The following NPTXR variants were observed in gnomAD, a reference collection of about 807,000 sequenced individuals.
The protein encoded by NPTXR is neuronal pentraxin receptor.
Under a neutral mutation model 32.2 loss-of-function variants are expected in NPTXR, and 12 were observed. The ratio of observed to expected loss-of-function variants is 0.37; its 90% confidence interval spans 0.24 to 0.60. The LOEUF is 0.60. NPTXR is among the 20% of genes least tolerant of loss of function. The pLI, the probability that NPTXR is intolerant of heterozygous loss-of-function variation, is 0.66. For missense variants in NPTXR, 612 were observed against 682.9 expected (o/e 0.90, Z 1.16); for synonymous variants, 323 against 315.8 (o/e 1.02, Z -0.24).
intron 3 of NPTXR, among the ~76,000 whole-genome samples, chr22:38,824,674 G>A (rs2093103566): frequency 6.6e-6 from 1 of 152,194 alleles, no homozygotes; most frequent in South Asian, 2.1e-4. Flanking sequence ...CCCAGAACAG[G>A]GCTGCCCAAT....
chr22:38,841,470 A>G (rs971888878), intron 1 of NPTXR, among the ~76,000 whole-genome samples: 2 of 152,270 alleles, frequency 1.3e-5, no homozygotes, highest in African/African-American at 4.8e-5. Flanking sequence ...CAAGCCTGCC[A>G]GCCCCAGACG....
intron 3 of NPTXR, 105 bp from the exon 4 acceptor site, chr22:38,823,367 G>T: frequency 9.9e-7 from 1 of 1,014,078 alleles, no homozygotes; most frequent in Non-Finnish European, 1.4e-6. Context: ...ATCCTTCCAG[G>T]GCCCGACCCC....
chr22:38,835,233 T>C (rs1053961020), intron 1 of NPTXR, among the ~76,000 whole-genome samples: 2 of 151,986 alleles, frequency 1.3e-5, no homozygotes, highest in African/African-American at 4.8e-5. Context: ...CAGCTGGCGG[T>C]GAGGCAGAGG....
intron 3 of NPTXR, among the ~76,000 whole-genome samples, chr22:38,825,948 T>C (rs1462884348): frequency 6.6e-6 from 1 of 151,794 alleles, no homozygotes; most frequent in Non-Finnish European, 1.5e-5. Flanking sequence ...GTTCTGGCCA[T>C]TCTCCTGCCT....
chr22:38,842,571 C>CG (rs1008176227), intron 1 of NPTXR, among the ~76,000 whole-genome samples: 1 of 152,112 alleles, frequency 6.6e-6, no homozygotes, highest in Non-Finnish European at 1.5e-5. Flanking sequence ...AGGAGGAGCT[C>CG]GGGGGGCCCT....
chr22:38,842,014 C>A, intron 1 of NPTXR, among the ~76,000 whole-genome samples: 1 of 152,212 alleles, frequency 6.6e-6, no homozygotes, highest in East Asian at 1.9e-4. Context: ...GGCTGACTGG[C>A]TGCACTCTGA....
At chr22:38,828,547 G>C in intron 1 of NPTXR, 35 bp from the exon 2 acceptor site, 11 of 1,510,382 alleles carry the variant, frequency 7.3e-6, no homozygotes, top group Non-Finnish European at 9.9e-6. Flanking sequence ...AATCAACTGA[G>C]GGGAGGAAGG....
At chr22:38,840,092 G>C (rs1479472444) in intron 1 of NPTXR, among the ~76,000 whole-genome samples, 1 of 152,190 alleles carries the variant, frequency 6.6e-6, no homozygotes, top group African/African-American at 2.4e-5. Flanking sequence ...CCTTAAATGT[G>C]GCTCCCACTT....
rs1370514285 is a variant in NPTXR at position 38,843,899 on chromosome 22, C to CGCG, written c.-44_-42dup. The stretch of plus-strand genomic sequence containing the variant: ...GGGGGCGCCCGAGGCCCCCGGCAGG[C>CGCG]GCGGCGGCGGGGTCGGGGCGCGGAG... On this transcript the variant is annotated 5_prime_UTR_variant, in exon 1 of 5. Transcript: ENST00000333039. The surrounding 1 kb of genome is among the most constrained non-coding windows in gnomAD (Gnocchi z 5.3). 3.1e-6 allele frequency: 3 copies of CGCG among 978,408 alleles called. No individual in the cohort carries two copies. Among genetic ancestry groups the CGCG allele is most frequent in the Non-Finnish European group, 3.6e-6 (3 of 825,984 alleles). The allele number at this position is 978,408 out of a possible 1,614,324, so 60.6% of individuals were successfully genotyped here. A position where few individuals can be genotyped will look rare whatever the true frequency, so the allele number is the denominator to read the frequency against.
intron 1 of NPTXR, among the ~76,000 whole-genome samples, chr22:38,833,556 G>A (rs1379921599): frequency 6.6e-6 from 1 of 152,210 alleles, no homozygotes; most frequent in Non-Finnish European, 1.5e-5. Context: ...TCATAGCATC[G>A]TGGTGAGGAT....
At chr22:38,830,938 C>T (rs1190872372) in intron 1 of NPTXR, among the ~76,000 whole-genome samples, 4 of 152,234 alleles carry the variant, frequency 2.6e-5, no homozygotes, top group Non-Finnish European at 5.9e-5. Flanking sequence ...CAGATGCCTA[C>T]TTGGCCCACG....
chr22:38,837,999 G>A (rs1488074887), intron 1 of NPTXR, among the ~76,000 whole-genome samples: 1 of 152,020 alleles, frequency 6.6e-6, no homozygotes, highest in Non-Finnish European at 1.5e-5. Context: ...GGGACCACAG[G>A]CACATGCCAC....
rs932818504 is a variant in NPTXR at position 38,843,166 on chromosome 22, C to A, written c.624+69G>T. The stretch of plus-strand genomic sequence containing the variant: ...CGGGAGACCGGAGGCTCGGGGACCG[C>A]CGGACGACCGCGGCCGGGCGGCCCC... On this transcript the variant is annotated intron_variant, in intron 1 of 4. Transcript: ENST00000333039. This position sits in a 1 kb window ranked among gnomAD's most constrained non-coding sequence, Gnocchi z 5.3. The A allele has an allele frequency of 2.4e-6, 3 of 1,246,802 alleles. No individual in the cohort carries two copies. The African/African-American group carries it at 4.7e-5, about 20-fold the overall frequency. The allele number at this position is 1,246,802 out of a possible 1,614,324, so 77.2% of individuals were successfully genotyped here.
chr22:38,832,566 C>T (rs1032975641), intron 1 of NPTXR, among the ~76,000 whole-genome samples: 5 of 152,230 alleles, frequency 3.3e-5, no homozygotes, highest in South Asian at 4.1e-4. Context: ...ATCGAGCACT[C>T]GCTGCATGCC....
chr22:38,828,720 G>C (rs1466680338), intron 1 of NPTXR, among the ~76,000 whole-genome samples: 1 of 152,254 alleles, frequency 6.6e-6, no homozygotes, highest in Non-Finnish European at 1.5e-5. Flanking sequence ...ACATGACGGC[G>C]AGCAGCAGGC....
chr22:38,836,070 G>A (rs969667942), intron 1 of NPTXR, among the ~76,000 whole-genome samples: 1 of 152,132 alleles, frequency 6.6e-6, no homozygotes, highest in Non-Finnish European at 1.5e-5. Flanking sequence ...AATCATCAGA[G>A]CAATACAAAT....
chr22:38,840,070 T>C (rs2146200336), intron 1 of NPTXR, among the ~76,000 whole-genome samples: 1 of 152,312 alleles, frequency 6.6e-6, no homozygotes, highest in East Asian at 1.9e-4. Flanking sequence ...AAGAAGACAC[T>C]TTCCCCTAAG....
intron 2 of NPTXR, among the ~76,000 whole-genome samples, 179 bp from the exon 3 acceptor site, chr22:38,826,926 C>G (rs2093108104): frequency 6.6e-6 from 1 of 152,254 alleles, no homozygotes; most frequent in Non-Finnish European, 1.5e-5. Flanking sequence ...TGCAGGGGCT[C>G]TGGACCTTAG....
chr22:38,827,880 C>T (rs1361661332), intron 2 of NPTXR, among the ~76,000 whole-genome samples: 5 of 152,186 alleles, frequency 3.3e-5, no homozygotes, highest in African/African-American at 4.8e-5. Flanking sequence ...AAAATCCTGA[C>T]CAAGTCATTG....
Sources: gnomAD v4.1 joint callset for allele counts (sites outside exome capture counted in the v4.1 genomes callset) on GRCh38, gnomAD v4.1.1 for gene constraint, Gnocchi (gnomAD v3.1) non-coding constraint, MANE v1.5 for transcripts, NCBI Gene and HGNC (gene_info 2026-07-23, HGNC 2026-07-21) for gene names.